Variants in TRPC1 observed in about 807,000 individuals in gnomAD.
TRPC1 encodes the protein short transient receptor potential channel 1.
A neutral mutation model predicts 88.2 loss-of-function variants in TRPC1; 42 were observed. The ratio of observed to expected loss-of-function variants is 0.48; its 90% CI spans 0.37 to 0.62. TRPC1 has a LOEUF of 0.62. TRPC1 is among the 20% of genes least tolerant of loss of function. TRPC1 has a pLI of 0.00. For synonymous variants in TRPC1, 288 were observed against 331.8 expected, an observed-to-expected ratio of 0.87 and a Z score of 1.43; for missense variants, 699 against 957.3, an observed-to-expected ratio of 0.73 and a Z score of 3.56.
At chr3:142,804,752 G>C (rs1053156380) in intron 12 of TRPC1, 122 bp downstream of exon 12, 1 of 797,066 alleles carries the variant, frequency 1.3e-6, no homozygotes, top group Non-Finnish European at 1.9e-6. Context: ...TTTTTTCACT[G>C]CTATATACCC....
chr3:142,775,730 G>A (rs1935747094), intron 4 of TRPC1, among the ~76,000 whole-genome samples: 1 of 152,070 alleles, frequency 6.6e-6, no homozygotes, highest in South Asian at 2.1e-4. Flanking sequence ...CAAAAAATGG[G>A]CCAAAGAATA....
chr3:142,746,851 C>A (rs1934572929), intron 3 of TRPC1, among the ~76,000 whole-genome samples: 1 of 151,310 alleles, frequency 6.6e-6, no homozygotes. Flanking sequence ...GAGCGAGACT[C>A]CACCAAAAAA....
At chr3:142,797,111 G>C (rs1936476906) in intron 9 of TRPC1, among the ~76,000 whole-genome samples, 1 of 151,336 alleles carries the variant, frequency 6.6e-6, no homozygotes, top group South Asian at 2.1e-4. Context: ...TCCCACTTCA[G>C]CTTCTGTTTT....
intron 10 of TRPC1, 59 bp downstream of exon 10, chr3:142,802,403 C>A: frequency 8.6e-7 from 1 of 1,158,226 alleles, no homozygotes; most frequent in Non-Finnish European, 1.1e-6. Context: ...TTACCATCTT[C>A]TATATGAATT....
intron 7 of TRPC1, among the ~76,000 whole-genome samples, chr3:142,785,641 C>T (rs779024520): frequency 5.9e-5 from 9 of 152,084 alleles, no homozygotes; most frequent in Non-Finnish European, 1.3e-4. Context: ...GCTGGGATTA[C>T]AGGTGCGTGC....
intron 9 of TRPC1, among the ~76,000 whole-genome samples, chr3:142,795,752 A>G (rs1371481168): frequency 6.6e-6 from 1 of 152,090 alleles, no homozygotes; most frequent in Non-Finnish European, 1.5e-5. Context: ...ACAGTAACAT[A>G]GGGGAATATG....
At chr3:142,726,131 G>T (rs1933661628) in intron 1 of TRPC1, among the ~76,000 whole-genome samples, 1 of 152,132 alleles carries the variant, frequency 6.6e-6, no homozygotes, top group Non-Finnish European at 1.5e-5. Flanking sequence ...TCCCTCAAAA[G>T]TTCTGAGAGA....
intron 2 of TRPC1, among the ~76,000 whole-genome samples, chr3:142,738,544 A>G (rs980060946): frequency 2.0e-5 from 3 of 152,192 alleles, no homozygotes; most frequent in Admixed American, 1.3e-4. Flanking sequence ...TCTCAACCAA[A>G]TGATTTTGTC....
Position 142,724,868 on chromosome 3 carries a change from G to GCGGTCTTCTCCTCACCGCCTCTGC in TRPC1, c.172+139_172+162dup. 1 of 1,079,834 alleles carries GCGGTCTTCTCCTCACCGCCTCTGC rather than the reference G, an allele frequency of 9.3e-7. No individual in the cohort carries two copies. Among genetic ancestry groups the GCGGTCTTCTCCTCACCGCCTCTGC allele is most frequent in the Admixed American group, 3.5e-5 (1 of 28,928 alleles). The allele number at this position is 1,079,834 out of a possible 1,614,324, so 66.9% of individuals were successfully genotyped here. A position where few individuals can be genotyped will look rare whatever the true frequency, so the allele number is the denominator to read the frequency against. ...CTTCCCGCCTCGCCTGCTGCCTCAG[G>GCGGTCTTCTCCTCACCGCCTCTGC]CGGTCTTCTCCTCACCGCCTCTGCC... On this transcript the variant is annotated intron_variant, in intron 1 of 12. Transcript: ENST00000476941. The surrounding 1 kb of genome is among the most constrained non-coding windows in gnomAD (Gnocchi z 5.6).
chr3:142,795,053 G>T (rs34445140), intron 9 of TRPC1, among the ~76,000 whole-genome samples: 46,876 of 151,880 alleles, frequency 0.31, 9,160 homozygotes, highest in African/African-American at 0.57. Context: ...TTTCAGAGAT[G>T]AAATTTTCAC....
At chr3:142,730,005 A>G (rs1339980767) in intron 1 of TRPC1, among the ~76,000 whole-genome samples, 1 of 152,122 alleles carries the variant, frequency 6.6e-6, no homozygotes, top group East Asian at 1.9e-4. Flanking sequence ...TTCTAGATTA[A>G]CATATTGGCC....
intron 4 of TRPC1, among the ~76,000 whole-genome samples, chr3:142,762,875 T>A (rs1935234965): frequency 6.6e-6 from 1 of 152,240 alleles, no homozygotes; most frequent in Non-Finnish European, 1.5e-5. Flanking sequence ...TATATTCCCA[T>A]GTTCATTTGT....
At chr3:142,748,598 T>C in intron 4 of TRPC1, 138 bp downstream of exon 4, 1 of 813,352 alleles carries the variant, frequency 1.2e-6, no homozygotes, top group Non-Finnish European at 1.9e-6. Flanking sequence ...TTGTAGCTCC[T>C]TTGTTTTATA....
intron 1 of TRPC1, among the ~76,000 whole-genome samples, chr3:142,726,662 A>C (rs1285001457): frequency 2.6e-5 from 4 of 152,242 alleles, no homozygotes; most frequent in African/African-American, 9.6e-5. Flanking sequence ...TACATTTAAA[A>C]AGTAACTTTG....
intron 4 of TRPC1, among the ~76,000 whole-genome samples, chr3:142,753,506 C>A (rs994382637): frequency 6.6e-6 from 1 of 152,222 alleles, no homozygotes; most frequent in Admixed American, 6.5e-5. Flanking sequence ...TGGCTCACGC[C>A]TGTAATCCTA....
At chr3:142,786,518 A>G (rs1023250927) in intron 7 of TRPC1, among the ~76,000 whole-genome samples, 2 of 152,156 alleles carry the variant, frequency 1.3e-5, no homozygotes, top group Non-Finnish European at 2.9e-5. Context: ...AGAATTAAAT[A>G]ATTCCTTCTT....
rs1936309965 is a variant in TRPC1 at position 142,792,063 on chromosome 3, CT to C, written c.1438-758del. Among the ~76,000 whole-genome samples the C allele has an allele frequency of 6.6e-6, 1 of 151,800 alleles. No homozygotes were observed. Among genetic ancestry groups the C allele is most frequent in the Non-Finnish European group, 1.5e-5 (1 of 67,900 alleles). ...AAGCTCATTATTTTACATAATTTTACTTTATTAAAAAATTCTGTTTAATTGA... is the reference window on the plus strand; with the variant it reads ...AAGCTCATTATTTTACATAATTTTACTTATTAAAAAATTCTGTTTAATTGA... On this transcript the variant is annotated intron_variant, in intron 8 of 12. Coordinates refer to ENST00000476941, the MANE Select transcript of TRPC1 (RefSeq NM_001251845.2). The surrounding 1 kb of genome is among the most constrained non-coding windows in gnomAD (Gnocchi z 4.0).
chr3:142,784,159 T>C (rs1400715114), intron 6 of TRPC1, among the ~76,000 whole-genome samples: 1 of 152,148 alleles, frequency 6.6e-6, no homozygotes, highest in Non-Finnish European at 1.5e-5. Context: ...TGGCTTCTGG[T>C]AACTAAAATC....
intron 4 of TRPC1, among the ~76,000 whole-genome samples, chr3:142,755,378 T>G (rs937735278): frequency 3.9e-5 from 6 of 152,158 alleles, no homozygotes; most frequent in South Asian, 2.1e-4. Context: ...TGAGTCAAGA[T>G]TGCACCATTG....
Sources: allele counts gnomAD v4.1 joint callset (sites outside exome capture counted in the v4.1 genomes callset), GRCh38; gene constraint gnomAD v4.1.1; non-coding constraint Gnocchi (gnomAD v3.1); transcripts MANE v1.5; gene names NCBI Gene and HGNC (gene_info 2026-07-23, HGNC 2026-07-21).